Variants in POLR1D observed in about 807,000 individuals in gnomAD.
POLR1D encodes the protein RNA polymerase I and III subunit D.
POLR1D carries 8 observed loss-of-function variants against 10.8 expected under a neutral mutation model. The ratio of observed to expected loss-of-function variants is 0.74; its 90% confidence interval spans 0.43 to 1.33. The LOEUF is 1.33. Among genes scored for constraint, POLR1D ranks in the 40% most tolerant of loss-of-function variants. The pLI is 0.01. For synonymous variants in POLR1D, 54 were observed against 57.2 expected, an observed-to-expected ratio of 0.94 and a Z score of 0.25; for missense variants, 152 against 161.7, an observed-to-expected ratio of 0.94 and a Z score of 0.32.
chr13:27,625,943 G>A (rs1324238925), downstream of POLR1D, among the ~76,000 whole-genome samples: 1 of 152,150 alleles, frequency 6.6e-6, no homozygotes, highest in Non-Finnish European at 1.5e-5. Flanking sequence ...ACAGAGGAAT[G>A]GCTTAGTTTG....
At chr13:27,634,232 A>T (rs1403892540) in intron 1 of POLR1D, among the ~76,000 whole-genome samples, 1 of 152,158 alleles carries the variant, frequency 6.6e-6, no homozygotes, top group Non-Finnish European at 1.5e-5. Flanking sequence ...AACATAAAGG[A>T]TTCTAGGGGT....
downstream of POLR1D, among the ~76,000 whole-genome samples, chr13:27,623,923 T>C (rs1955980354): frequency 6.6e-6 from 1 of 152,142 alleles, no homozygotes; most frequent in Non-Finnish European, 1.5e-5. Flanking sequence ...TAAGGTAAGA[T>C]GTTTTGATTA....
At chr13:27,660,339 G>A (rs535817261) in intron 2 of POLR1D, among the ~76,000 whole-genome samples, 18 of 152,292 alleles carry the variant, frequency 1.2e-4, no homozygotes, top group African/African-American at 3.8e-4. Context: ...GCAAAGACAC[G>A]TACAGAATGG....
rs117837136 is a variant in POLR1D at position 27,631,876 on chromosome 13, A to G, written c.26+9867A>G. On this transcript the variant is annotated intron_variant, in intron 1 of 2. Coordinates refer to the POLR1D transcript ENST00000399697. ...ATGATTTATAATGACATTATTTTGTACACTTATCAGCTGACATTTGCAACT... is the reference window on the plus strand; with the variant it reads ...ATGATTTATAATGACATTATTTTGTGCACTTATCAGCTGACATTTGCAACT... Among the ~76,000 whole-genome samples, 211 of 152,334 alleles carry G rather than the reference A, an allele frequency of 1.4e-3. 2 individuals are homozygous for G. The highest frequency in any genetic ancestry group is 0.01 in the Middle Eastern group (3 of 294).
At chr13:27,646,302 A>AT (rs1293961729) in intron 1 of POLR1D, 1 of 152,122 alleles carries the variant, frequency 6.6e-6, no homozygotes, top group Admixed American at 6.6e-5. Context: ...ATACCCTTTA[A>AT]TTTTTTTACT....
intron 2 of POLR1D, among the ~76,000 whole-genome samples, chr13:27,656,857 G>A (rs1440121010): frequency 6.6e-6 from 1 of 152,174 alleles, no homozygotes; most frequent in African/African-American, 2.4e-5. Context: ...TCCATAGATA[G>A]GAAAATGCTT....
At chr13:27,633,436 G>C (rs1225337644) in intron 1 of POLR1D, among the ~76,000 whole-genome samples, 1 of 152,202 alleles carries the variant, frequency 6.6e-6, no homozygotes, top group African/African-American at 2.4e-5. Flanking sequence ...ATCTAATGGG[G>C]TGAAAGGATG....
chr13:27,622,061 G>T lies in POLR1D; in HGVS notation c.26+52G>T, dbSNP rs756859762. The T allele has an allele frequency of 4.0e-6, 6 of 1,509,952 alleles. No individual in the cohort carries two copies. In the African/African-American group the frequency reaches 6.8e-5, roughly 17 times the overall value. 93.5% of individuals were successfully genotyped at this position (1,509,952 alleles called of 1,614,324 possible). On this transcript the variant is annotated intron_variant, in intron 1 of 1. Transcript: ENST00000302979. ...AGCGGGCCGCGCCCAAGGGGAGCGG[G>T]TGGCCGAGGGGCACGCTGCCTGGCC... is the stretch of plus-strand genomic sequence containing the variant.
intron 1 of POLR1D, among the ~76,000 whole-genome samples, chr13:27,633,620 G>A (rs1306746460): frequency 2.0e-5 from 3 of 152,204 alleles, no homozygotes; most frequent in Admixed American, 1.3e-4. Context: ...TTTTTATCAT[G>A]TTTGCTCCAC....
intron 1 of POLR1D, among the ~76,000 whole-genome samples, chr13:27,647,098 TCTTAA>T (rs765645043): frequency 2.0e-5 from 3 of 152,188 alleles, no homozygotes; most frequent in Non-Finnish European, 2.9e-5. Flanking sequence ...CCTCTCTTTT[TCTTAA>T]CTTTATTTTT....
At chr13:27,639,837 A>G (rs1209687299) in intron 1 of POLR1D, among the ~76,000 whole-genome samples, 1 of 152,182 alleles carries the variant, frequency 6.6e-6, no homozygotes, top group Non-Finnish European at 1.5e-5. Flanking sequence ...AGTTCTTGTC[A>G]TGATAAGTAC....
chr13:27,641,367 T>C (rs531950), intron 1 of POLR1D, among the ~76,000 whole-genome samples: 123,795 of 152,146 alleles, frequency 0.81, 50,960 homozygotes, highest in East Asian at 0.93. Flanking sequence ...AGGAATGAAA[T>C]CACTTTTAAT....
At chr13:27,649,171 A>G (rs1956245892) in intron 2 of POLR1D, among the ~76,000 whole-genome samples, 3 of 152,244 alleles carry the variant, frequency 2.0e-5, no homozygotes, top group African/African-American at 7.2e-5. Context: ...ACGTACTGCA[A>G]TGGAATAAGG....
In POLR1D at chr13:27,623,305, G is replaced by T; in HGVS notation, c.*55G>T. 6.2e-7 allele frequency: 1 copy of T among 1,609,766 alleles called. No homozygotes were observed. The highest frequency in any genetic ancestry group is 8.5e-7 in the Non-Finnish European group (1 of 1,178,830). On this transcript the variant is annotated 3_prime_UTR_variant, in exon 2 of 2. Transcript: ENST00000302979. Reference sequence around the variant, plus strand: ...CCTGTAGGATATTCTCTTCCTGATGGTGCAGAACCCAGAATTAGAAGTTTG... The same window carrying T: ...CCTGTAGGATATTCTCTTCCTGATGTTGCAGAACCCAGAATTAGAAGTTTG...
chr13:27,641,323 A>G (rs1956171742), intron 1 of POLR1D, among the ~76,000 whole-genome samples: 1 of 152,234 alleles, frequency 6.6e-6, no homozygotes, highest in Non-Finnish European at 1.5e-5. Flanking sequence ...CCCAAGTCAA[A>G]GTATTTACAA....
At chr13:27,655,513 C>T (rs564741737) in intron 2 of POLR1D, among the ~76,000 whole-genome samples, 1 of 152,046 alleles carries the variant, frequency 6.6e-6, no homozygotes, top group African/African-American at 2.4e-5. Flanking sequence ...CTGGATTTGC[C>T]TTATTATGTT....
Position 27,623,436 on chromosome 13 carries a change from C to G in POLR1D, c.*186C>G. 23 of 1,312,384 alleles carry G rather than the reference C, an allele frequency of 1.8e-5. No individual in the cohort carries two copies. The highest frequency in any genetic ancestry group is 3.0e-5 in the Admixed American group (1 of 33,776). 81.3% of individuals were successfully genotyped at this position (1,312,384 alleles called of 1,614,324 possible). A position where few individuals can be genotyped will look rare whatever the true frequency, so the allele number is the denominator to read the frequency against. ...CCTCTGTATTCTTCTAATAAATTCC[C>G]TCTTTTATTTAAACTAGTTTGACTG... On this transcript the variant is annotated 3_prime_UTR_variant, in exon 2 of 2. Coordinates refer to ENST00000302979, the MANE Select transcript of POLR1D (RefSeq NM_015972.4).
At chr13:27,626,790 T>C (rs1260913842), downstream of POLR1D, among the ~76,000 whole-genome samples, 1 of 152,236 alleles carries the variant, frequency 6.6e-6, no homozygotes, top group Non-Finnish European at 1.5e-5. Flanking sequence ...GCTGGTACTT[T>C]CTATTTTCAA....
intron 1 of POLR1D, among the ~76,000 whole-genome samples, chr13:27,631,091 G>A (rs779239587): frequency 1.2e-4 from 19 of 152,174 alleles, no homozygotes; most frequent in Non-Finnish European, 1.9e-4. Context: ...CCATTGCTGC[G>A]TAATAGATTA....
Sources: gnomAD v4.1 joint callset for allele counts (sites outside exome capture counted in the v4.1 genomes callset) on GRCh38, gnomAD v4.1.1 for gene constraint, MANE v1.5 for transcripts, NCBI Gene and HGNC (gene_info 2026-07-23, HGNC 2026-07-21) for gene names.